Variants in BAZ1B observed in about 807,000 individuals in gnomAD.
The protein encoded by BAZ1B is tyrosine-protein kinase BAZ1B.
BAZ1B carries 22 observed loss-of-function variants against 153.8 expected under a neutral mutation model. The observed-to-expected ratio is 0.14, with a 90% CI of 0.10 to 0.20. The LOEUF (loss-of-function observed/expected upper bound fraction) is 0.20. Among genes scored for constraint, BAZ1B ranks in the 10% least tolerant of loss-of-function variants. The pLI is 1.00. For synonymous variants in BAZ1B, 676 were observed against 633.4 expected (o/e 1.07, Z -1.01); for missense variants, 1,325 against 1,799.3 (o/e 0.74, Z 4.77).
Position 73,477,796 on chromosome 7 carries a change from T to C in BAZ1B, c.1665A>G (p.Lys555=). Reference sequence around the variant, plus strand: ...CTTTGGCTTTTTCCTTCAACTTCTTTTTCAGCTCCTCCCGTTTCTTTTTCA... The same window carrying C: ...CTTTGGCTTTTTCCTTCAACTTCTTCTTCAGCTCCTCCCGTTTCTTTTTCA... ...EYLKKKREEL[K]KKLKEKAKER... Residue 555 remains lysine, a synonymous_variant, in exon 7 of 20, where the codon AAA becomes AAG. Transcript: ENST00000339594. The surrounding 1 kb of genome is among the most constrained non-coding windows in gnomAD (Gnocchi z 5.6). 1 of 1,614,214 alleles carries C rather than the reference T, an allele frequency of 6.2e-7. No individual in the cohort carries two copies. The highest frequency in any genetic ancestry group is 8.5e-7 in the Non-Finnish European group (1 of 1,180,034).
intron 6 of BAZ1B, 141 bp from the exon 7 acceptor site, chr7:73,478,710 G>GA: frequency 2.8e-6 from 2 of 714,294 alleles, no homozygotes; most frequent in Non-Finnish European, 4.0e-6. Context: ...CTTTGTCCCT[G>GA]AAAAAACAAA....
At chr7:73,517,484 G>C (rs1297392017) in intron 1 of BAZ1B, among the ~76,000 whole-genome samples, 2 of 151,788 alleles carry the variant, frequency 1.3e-5, no homozygotes, top group Non-Finnish European at 2.9e-5. Flanking sequence ...GCAACAGAGT[G>C]AGACCCTGTC....
At chr7:73,510,448 G>A (rs1352135018) in intron 2 of BAZ1B, among the ~76,000 whole-genome samples, 2 of 152,112 alleles carry the variant, frequency 1.3e-5, no homozygotes, top group Admixed American at 6.6e-5. Context: ...AAGCAAAAAA[G>A]AATAAACCAC....
chr7:73,442,989 T>G (rs1554565527), intron 17 of BAZ1B, among the ~76,000 whole-genome samples, 161 bp from the exon 18 acceptor site: 1 of 152,212 alleles, frequency 6.6e-6, no homozygotes, highest in Non-Finnish European at 1.5e-5. Context: ...GGGAGCACCC[T>G]CGGCCCAGGT....
chr7:73,445,854 C>A (rs188952903), intron 16 of BAZ1B, among the ~76,000 whole-genome samples: 1 of 152,246 alleles, frequency 6.6e-6, no homozygotes, highest in East Asian at 1.9e-4. Context: ...GAGAAAGATA[C>A]CCATCCCCCG....
At chr7:73,463,530 C>G (rs970367663) in intron 11 of BAZ1B, among the ~76,000 whole-genome samples, 5 of 152,094 alleles carry the variant, frequency 3.3e-5, no homozygotes, top group South Asian at 2.1e-4. Context: ...CAGGTGTGCA[C>G]CACCACACCC....
intron 3 of BAZ1B, among the ~76,000 whole-genome samples, chr7:73,503,663 T>C (rs1346349443): frequency 3.9e-5 from 6 of 152,100 alleles, no homozygotes; most frequent in Non-Finnish European, 7.4e-5. Flanking sequence ...GCAGGAGCCA[T>C]TGGGTTCAGC....
intron 10 of BAZ1B, 22 bp downstream of exon 10, chr7:73,466,274 A>C: frequency 6.6e-7 from 1 of 1,524,786 alleles, no homozygotes. Context: ...AGAAAGAGCA[A>C]CCAGATGAAT....
rs555748289 is a variant in BAZ1B at position 73,491,311 on chromosome 7, A to C, written c.693+1489T>G. Among the ~76,000 whole-genome samples the C allele has an allele frequency of 2.1e-4, 32 of 152,004 alleles. No homozygotes were observed. The South Asian group carries it at 6.2e-3, about 30-fold the overall frequency. ...AAAAAAGACAAAAAAACAAAACAAC[A>C]ACCTAGGCCGGGCGTGGTGGATCAC... On this transcript the variant is annotated intron_variant, in intron 5 of 19. Transcript: ENST00000339594.
At chr7:73,442,703 C>CA (rs782094823) in intron 18 of BAZ1B, 22 bp downstream of exon 18, 46 of 1,609,886 alleles carry the variant, frequency 2.9e-5, no homozygotes, top group Non-Finnish European at 3.7e-5. Context: ...CTCTCCCCTG[C>CA]ACCTGAGAAC....
chr7:73,447,222 G>A (rs782625465), intron 16 of BAZ1B, 42 bp downstream of exon 16: 7 of 1,612,544 alleles, frequency 4.3e-6, no homozygotes, highest in Non-Finnish European at 2.5e-6. Flanking sequence ...TCCAAGCTTA[G>A]AAGACTGTGA....
In BAZ1B at chr7:73,521,776, T is replaced by C. The variant is rs368445446; in HGVS notation, c.107+51A>G. On this transcript the variant is annotated intron_variant, in intron 1 of 19. Transcript: ENST00000339594. ...ACCTGGTCTCGCGAGCCCCAGGCCC[T>C]ACCCCGGCCCAGCCCGGCCCAGCCC... is the stretch of plus-strand genomic sequence containing the variant. The C allele has an allele frequency of 4.6e-3, 6,471 of 1,420,620 alleles. 25 individuals are homozygous for C. The highest frequency in any genetic ancestry group is 5.6e-3 in the Non-Finnish European group (5,919 of 1,062,298). The allele number at this position is 1,420,620 out of a possible 1,614,324, so 88.0% of individuals were successfully genotyped here.
chr7:73,497,065 C>CAAAAAAAAAAAAAAAA (rs1156829240), intron 4 of BAZ1B, among the ~76,000 whole-genome samples: 1,417 of 49,244 alleles, frequency 0.029, 56 homozygotes, highest in Non-Finnish European at 0.038. Flanking sequence ...CTGACCTCTA[C>CAAAAAAAAAAAAAAAA]AAAAAAAAAA....
chr7:73,445,587 G>C (rs1340634170), intron 16 of BAZ1B, among the ~76,000 whole-genome samples: 1 of 151,794 alleles, frequency 6.6e-6, no homozygotes, highest in Non-Finnish European at 1.5e-5. Flanking sequence ...TGCCCTCAGA[G>C]AGATCAGGCG....
At chr7:73,451,033 AC>A in intron 13 of BAZ1B, 39 bp from the exon 14 acceptor site, 1 of 1,602,160 alleles carries the variant, frequency 6.2e-7, no homozygotes. Flanking sequence ...TACTACACTG[AC>A]CAAAGACACT....
intron 4 of BAZ1B, among the ~76,000 whole-genome samples, chr7:73,495,520 G>C (rs1249744027): frequency 2.0e-5 from 3 of 152,126 alleles, no homozygotes; most frequent in African/African-American, 7.2e-5. Context: ...TAAAGAAACC[G>C]AATAGCTGGA....
chr7:73,510,941 A>C, intron 1 of BAZ1B, 89 bp from the exon 2 acceptor site: 1 of 1,077,818 alleles, frequency 9.3e-7, no homozygotes. Flanking sequence ...AAAAAAATCT[A>C]GTCTCCTTTT....
intron 2 of BAZ1B, 40 bp downstream of exon 2, chr7:73,510,696 T>C (rs782057984): frequency 9.0e-6 from 14 of 1,555,512 alleles, no homozygotes; most frequent in East Asian, 2.2e-5. Flanking sequence ...TTCCTAACAA[T>C]GTGAAGATGG....
rs782261208 is a variant in BAZ1B at position 73,477,886 on chromosome 7, G to C, written c.1575C>G (p.Arg525=). The change falls in exon 7 of 20, where the codon CGC becomes CGG. Residue 525 remains arginine (R), a synonymous_variant. Transcript: ENST00000339594. This position sits in a 1 kb window ranked among gnomAD's most constrained non-coding sequence, Gnocchi z 5.6. ...TCTTTTTGTGCTCTAGAAGTTCATA[G>C]CGTTTTTGAACAAGACTTCGCAATT... The part of the protein sequence containing the change: ...PEELRSLVQK[R]YELLEHKKRW... 1 of 1,614,118 alleles carries C rather than the reference G, an allele frequency of 6.2e-7. No homozygotes were observed. Among genetic ancestry groups the C allele is most frequent in the South Asian group, 1.1e-5 (1 of 91,080 alleles).
Sources: gnomAD v4.1 joint callset for allele counts (sites outside exome capture counted in the v4.1 genomes callset) on GRCh38, gnomAD v4.1.1 for gene constraint, Gnocchi (gnomAD v3.1) non-coding constraint, MANE v1.5 for transcripts, NCBI Gene and HGNC (gene_info 2026-07-23, HGNC 2026-07-21) for gene names.